TTF2: variants seen among roughly 807,000 people sequenced by gnomAD.
TTF2 encodes RNA polymerase II termination factor.
A neutral mutation model predicts 142.4 loss-of-function variants in TTF2; 108 were observed. That is an observed-to-expected ratio of 0.76 (90% CI 0.65 to 0.89). TTF2 has a LOEUF of 0.89. TTF2 is among the 40% of genes least tolerant of loss of function. TTF2 has a pLI of 0.00. For synonymous variants in TTF2, 483 were observed against 506.2 expected (o/e 0.95, Z 0.61); for missense variants, 1,327 against 1,379.8 (o/e 0.96, Z 0.61).
In TTF2 at chr1:117,102,363, A is replaced by G. The variant is rs994536262; in HGVS notation, c.*839A>G. 1 of 152,220 alleles carries G rather than the reference A, an allele frequency of 6.6e-6. No homozygotes were observed. Among genetic ancestry groups the G allele is most frequent in the Non-Finnish European group, 1.5e-5 (1 of 68,048 alleles). 9.4% of individuals were successfully genotyped at this position (152,220 alleles called of 1,614,324 possible). A position where few individuals can be genotyped will look rare whatever the true frequency, so the allele number is the denominator to read the frequency against. On this transcript the variant is annotated 3_prime_UTR_variant, in exon 23 of 23. Transcript: ENST00000369466. Reference sequence around the variant, plus strand: ...GCCATCTCTGCAGTTCTCTCAGTGCAGGCAGTTCTTCCTCTCAGGCTGAAG... The same window carrying G: ...GCCATCTCTGCAGTTCTCTCAGTGCGGGCAGTTCTTCCTCTCAGGCTGAAG...
intron 3 of TTF2, among the ~76,000 whole-genome samples, chr1:117,072,890 T>C (rs1180801932): frequency 6.6e-6 from 1 of 152,178 alleles, no homozygotes; most frequent in African/African-American, 2.4e-5. Context: ...GAGGGGACTA[T>C]AGGTGTGTGC....
chr1:117,073,676 C>T lies in TTF2; in HGVS notation c.234C>T (p.Cys78=). 1 of 1,610,544 alleles carries T rather than the reference C, an allele frequency of 6.2e-7. No homozygotes were observed. The highest frequency in any genetic ancestry group is 8.5e-7 in the Non-Finnish European group (1 of 1,177,514). Residue 78 remains cysteine, a synonymous_variant, in exon 4 of 23, where the codon TGC becomes TGT. Transcript: ENST00000369466. This position sits in a 1 kb window ranked among gnomAD's most constrained non-coding sequence, Gnocchi z 4.4. ...ACTTCATTAGATTGTTCTTCCGATG[C>T]ATTAGAAGTAAGGCAGAGGGGAAAC... The part of the protein sequence containing the change: ...DKKEYRLFFR[C]IRSKAEGKRW...
rs761218230 is a variant in TTF2, at chr1:117,092,852, G to A, written c.2927G>A (p.Gly976Asp). 1.2e-6 allele frequency: 2 copies of A among 1,614,004 alleles called. No homozygotes were observed. The highest frequency in any genetic ancestry group is 1.7e-5 in the Admixed American group (1 of 60,006). The change falls in exon 18 of 23, where the codon GGC becomes GAC. Residue 976 changes from glycine to aspartate, a missense_variant. Transcript: ENST00000369466. This position sits in a 1 kb window ranked among gnomAD's most constrained non-coding sequence, Gnocchi z 4.4. ...CCATCTTCCACTGTTTCCCTTAACG[G>A]CACCTTCTTCAAGATGGAGCTTTTT... ...SEPSSTVSLN[G>D]TFFKMELFEG...
chr1:117,086,588 C>T lies in TTF2; in HGVS notation c.2160+66C>T, dbSNP rs1390881310. 1.7e-6 allele frequency: 2 copies of T among 1,179,706 alleles called. No homozygotes were observed. Among genetic ancestry groups the T allele is most frequent in the Non-Finnish European group, 2.5e-6 (2 of 798,288 alleles). The allele number at this position is 1,179,706 out of a possible 1,614,324, so 73.1% of individuals were successfully genotyped here. ...CAGATGGTTTAATGGGAGTCTTTCT[C>T]AGCCTCCACGATAGCAAGAGGACCT... On this transcript the variant is annotated intron_variant, in intron 12 of 22. Coordinates refer to ENST00000369466, the MANE Select transcript of TTF2 (RefSeq NM_003594.4). This position sits in a 1 kb window ranked among gnomAD's most constrained non-coding sequence, Gnocchi z 4.2.
chr1:117,089,906 G>A (rs1318324838), intron 13 of TTF2, 149 bp from the exon 14 acceptor site: 4 of 848,320 alleles, frequency 4.7e-6, no homozygotes, highest in Non-Finnish European at 7.1e-6. Context: ...TCCAGCAAAG[G>A]TTTGCTATGA....
At position 117,101,616 on chromosome 1, in the gene TTF2, C is replaced by G. The variant is rs1435971648; in HGVS notation, c.*92C>G. 1.4e-5 allele frequency: 18 copies of G among 1,308,380 alleles called. No individual in the cohort carries two copies. The highest frequency in any genetic ancestry group is 3.0e-6 in the Non-Finnish European group (3 of 1,002,494). 81.0% of individuals were successfully genotyped at this position (1,308,380 alleles called of 1,614,324 possible). A position where few individuals can be genotyped will look rare whatever the true frequency, so the allele number is the denominator to read the frequency against. On this transcript the variant is annotated 3_prime_UTR_variant, in exon 23 of 23. Coordinates refer to ENST00000369466, the MANE Select transcript of TTF2 (RefSeq NM_003594.4). The surrounding 1 kb of genome is among the most constrained non-coding windows in gnomAD (Gnocchi z 5.9). ...CTAACCATGAGCCTTGAACTCTGTTCTTTGCATTTCAATTTCACCGTCAAG... is the reference window on the plus strand; with the variant it reads ...CTAACCATGAGCCTTGAACTCTGTTGTTTGCATTTCAATTTCACCGTCAAG...
intron 13 of TTF2, among the ~76,000 whole-genome samples, chr1:117,089,250 CAAATATATGCTATA>C (rs1648331629): frequency 1.2e-5 from 1 of 85,104 alleles, no homozygotes; most frequent in African/African-American, 3.9e-5. Flanking sequence ...AAAATATATG[CAAATATATGCTATA>C]TATATATATA....
chr1:117,107,210 A>T lies in TTF2; in HGVS notation c.*5686A>T, dbSNP rs1219001286. 3 of 152,296 alleles carry T rather than the reference A, an allele frequency of 2.0e-5. No homozygotes were observed. The highest frequency in any genetic ancestry group is 2.9e-5 in the Non-Finnish European group (2 of 68,028). The allele number at this position is 152,296 out of a possible 1,614,324, so 9.4% of individuals were successfully genotyped here. On this transcript the variant is annotated 3_prime_UTR_variant, in exon 23 of 23. Transcript: ENST00000369466. ...TTTCAGCAGGCAAGACAGCTCAGTTAAATTGAGTTTGGACTCCACTGTAGT... is the reference window on the plus strand; with the variant it reads ...TTTCAGCAGGCAAGACAGCTCAGTTTAATTGAGTTTGGACTCCACTGTAGT...
In TTF2 at chr1:117,070,796, G is replaced by A. The variant is rs1656512532; in HGVS notation, c.219-2865G>A. Among the ~76,000 whole-genome samples, 1 of 152,134 alleles carries A rather than the reference G, an allele frequency of 6.6e-6. No individual in the cohort carries two copies. The highest frequency in any genetic ancestry group is 1.5e-5 in the Non-Finnish European group (1 of 68,022). On this transcript the variant is annotated intron_variant, in intron 3 of 22. Transcript: ENST00000369466. The surrounding 1 kb of genome is among the most constrained non-coding windows in gnomAD (Gnocchi z 4.2). Reference sequence around the variant, plus strand: ...GGGAAAATTGTGTTTGTACAAGAGGGAGGGGCTGGACCTATTTTCTTTTTA... The same window carrying A: ...GGGAAAATTGTGTTTGTACAAGAGGAAGGGGCTGGACCTATTTTCTTTTTA...
intron 21 of TTF2, chr1:117,098,207 G>C (rs1649324984): frequency 6.7e-6 from 1 of 150,222 alleles, no homozygotes; most frequent in African/African-American, 2.5e-5. Flanking sequence ...TTTTTTCAGA[G>C]ATAGAGAAAT....
intron 8 of TTF2, among the ~76,000 whole-genome samples, chr1:117,078,972 G>A (rs939542133): frequency 3.3e-5 from 5 of 152,164 alleles, no homozygotes; most frequent in African/African-American, 9.7e-5. Context: ...GGGCATAGTG[G>A]CTCACACCTA....
rs1649257200 is a variant in TTF2, at chr1:117,097,511, C to T, written c.3269+78C>T. 1 of 1,283,126 alleles carries T rather than the reference C, an allele frequency of 7.8e-7. No homozygotes were observed. The highest frequency in any genetic ancestry group is 1.2e-5 in the South Asian group (1 of 84,020). The allele number at this position is 1,283,126 out of a possible 1,614,324, so 79.5% of individuals were successfully genotyped here. A position where few individuals can be genotyped will look rare whatever the true frequency, so the allele number is the denominator to read the frequency against. ...GGGCTACAGGGGCAGCAAGAACTGA[C>T]TTCTTATGTTGATTGCTGTGTTCGT... On this transcript the variant is annotated intron_variant, in intron 21 of 22. Transcript: ENST00000369466. This position sits in a 1 kb window ranked among gnomAD's most constrained non-coding sequence, Gnocchi z 4.1.
chr1:117,106,226 G>C lies in TTF2; in HGVS notation c.*4702G>C, dbSNP rs1293862969. ...ACAAATGAAATCAGGGTCATTTATA[G>C]TACAAACTACCACAGAAGTCAGTAG... is the stretch of plus-strand genomic sequence containing the variant. On this transcript the variant is annotated 3_prime_UTR_variant, in exon 23 of 23. Coordinates refer to ENST00000369466, the MANE Select transcript of TTF2 (RefSeq NM_003594.4). 1.3e-5 allele frequency: 2 copies of C among 150,668 alleles called. No individual in the cohort carries two copies. Among genetic ancestry groups the C allele is most frequent in the Non-Finnish European group, 2.9e-5 (2 of 67,850 alleles). The allele number at this position is 150,668 out of a possible 1,614,324, so 9.3% of individuals were successfully genotyped here.
Position 117,095,330 on chromosome 1 carries a change from T to C in TTF2, c.2998T>C (p.Leu1000=). Residue 1000 remains leucine, a synonymous_variant, in exon 19 of 23, where the codon TTG becomes CTG. Coordinates refer to ENST00000369466, the MANE Select transcript of TTF2 (RefSeq NM_003594.4). The part of the protein sequence containing the change: ...STKISSLLAE[L]EAIQRNSASQ... ...CCAGATTTCATCTCTGTTGGCAGAA[T>C]TGGAGGCAATTCAAAGAAATTCAGC... 6.2e-7 allele frequency: 1 copy of C among 1,614,154 alleles called. No individual in the cohort carries two copies. Among genetic ancestry groups the C allele is most frequent in the African/African-American group, 1.3e-5 (1 of 75,040 alleles).
chr1:117,060,645 G>A, intron 2 of TTF2, 88 bp downstream of exon 2: 1 of 1,343,044 alleles, frequency 7.4e-7, no homozygotes. Flanking sequence ...GCGTCACAGG[G>A]CCGAGGAGTG....
At position 117,060,334 on chromosome 1, in the gene TTF2, G is replaced by A; in HGVS notation, c.-13G>A. 1 of 1,596,164 alleles carries A rather than the reference G, an allele frequency of 6.3e-7. No homozygotes were observed. Among genetic ancestry groups the A allele is most frequent in the Non-Finnish European group, 8.5e-7 (1 of 1,171,652 alleles). ...GGGGGCGGGGCTTTGTGGAACTTGG[G>A]GGACCCAGCGAAATGGAAGAAGTTA... On this transcript the variant is annotated 5_prime_UTR_variant, in exon 1 of 23. Transcript: ENST00000369466.
intron 21 of TTF2, chr1:117,098,610 G>A (rs947156160): frequency 4.4e-5 from 20 of 452,966 alleles, no homozygotes; most frequent in African/African-American, 1.6e-4. Context: ...GACAGGGATC[G>A]ACAGATTTTT....
chr1:117,088,715 A>G (rs1338502897), intron 12 of TTF2, 86 bp from the exon 13 acceptor site: 62 of 1,480,656 alleles, frequency 4.2e-5, no homozygotes, highest in Non-Finnish European at 5.2e-5. Flanking sequence ...TGGGTCCTCC[A>G]TGCTTGCCTG....
At chr1:117,061,855 G>A (rs2101248747) in intron 2 of TTF2, among the ~76,000 whole-genome samples, 1 of 152,306 alleles carries the variant, frequency 6.6e-6, no homozygotes, top group East Asian at 1.9e-4. Context: ...AGGTTTAGGA[G>A]AGTACTTTAA....
Sources: allele counts gnomAD v4.1 joint callset (sites outside exome capture counted in the v4.1 genomes callset), GRCh38; gene constraint gnomAD v4.1.1; non-coding constraint Gnocchi (gnomAD v3.1); transcripts MANE v1.5; gene names NCBI Gene and HGNC (gene_info 2026-07-23, HGNC 2026-07-21).